Variants in MGRN1 observed in about 807,000 individuals in gnomAD.
MGRN1 encodes mahogunin ring finger 1.
MGRN1 carries 29 observed loss-of-function variants against 69.2 expected under a neutral mutation model. The observed-to-expected ratio is 0.42, with a 90% confidence interval of 0.31 to 0.57. The LOEUF is 0.57. Among genes scored for constraint, MGRN1 ranks in the 20% least tolerant of loss-of-function variants. MGRN1 has a pLI of 0.15. For missense variants in MGRN1, 998 were observed against 796.2 expected, an observed-to-expected ratio of 1.25 and a Z score of -3.05; for synonymous variants, 470 against 344.2, an observed-to-expected ratio of 1.37 and a Z score of -4.04.
intron 5 of MGRN1, among the ~76,000 whole-genome samples, chr16:4,663,625 C>G (rs1029336239): frequency 3.9e-5 from 6 of 152,160 alleles, no homozygotes; most frequent in Non-Finnish European, 7.4e-5. Context: ...GGGTCCCTGC[C>G]CTCTATGGAG....
At position 4,683,748 on chromosome 16, in the gene MGRN1, G is replaced by A. The variant is rs953278077; in HGVS notation, c.1529-95G>A. On this transcript the variant is annotated intron_variant, in intron 15 of 16. Transcript: ENST00000262370. ...GCCTGGGGTCCCCACAGTGGCTACA[G>A]AGCCCTTGGGTAAGAGAGACGGCCT... is the stretch of plus-strand genomic sequence containing the variant. 1.8e-6 allele frequency: 2 copies of A among 1,083,790 alleles called. 1 individual carries two copies. Among genetic ancestry groups the A allele is most frequent in the Non-Finnish European group, 2.7e-6 (2 of 740,882 alleles). The allele number at this position is 1,083,790 out of a possible 1,614,324, so 67.1% of individuals were successfully genotyped here. A position where few individuals can be genotyped will look rare whatever the true frequency, so the allele number is the denominator to read the frequency against.
intron 5 of MGRN1, among the ~76,000 whole-genome samples, chr16:4,663,862 C>G (rs1280276872): frequency 1.5e-4 from 23 of 152,188 alleles, no homozygotes; most frequent in Admixed American, 1.5e-3. Flanking sequence ...TGGCCTTCAG[C>G]CTGTGCACAG....
intron 9 of MGRN1, chr16:4,672,466 C>G (rs1474036206): frequency 4.4e-6 from 2 of 456,658 alleles, no homozygotes; most frequent in Non-Finnish European, 8.8e-6. Flanking sequence ...TGGAGCAGCT[C>G]CACGTGGCGG....
intron 1 of MGRN1, among the ~76,000 whole-genome samples, chr16:4,647,258 A>T (rs9937867): frequency 0.027 from 4,169 of 152,288 alleles, 185 homozygotes; most frequent in African/African-American, 0.094. Context: ...CTGCTCCATG[A>T]CTGGGGCTTG....
intron 5 of MGRN1, among the ~76,000 whole-genome samples, chr16:4,659,991 CCGTCCTG>C (rs1173589528): frequency 6.6e-6 from 1 of 152,196 alleles, no homozygotes; most frequent in Non-Finnish European, 1.5e-5. Flanking sequence ...CGGGGGCCTC[CCGTCCTG>C]CAGCCAGGCC....
At chr16:4,651,936 C>G in intron 2 of MGRN1, 27 bp from the exon 3 acceptor site, 2 of 1,610,518 alleles carry the variant, frequency 1.2e-6, no homozygotes, top group Non-Finnish European at 8.5e-7. Context: ...GAGGGAGTCA[C>G]CTGGGGCCCT....
intron 10 of MGRN1, among the ~76,000 whole-genome samples, chr16:4,675,311 A>G (rs1041578939): frequency 1.3e-5 from 2 of 152,000 alleles, no homozygotes; most frequent in Non-Finnish European, 2.9e-5. Context: ...GGGTCTTGCT[A>G]TGTTGCCCAG....
intron 9 of MGRN1, 99 bp downstream of exon 9, chr16:4,671,558 C>G (rs1384779090): frequency 9.0e-6 from 10 of 1,109,394 alleles, no homozygotes; most frequent in Non-Finnish European, 1.4e-5. Flanking sequence ...ATGCCTTCCC[C>G]TGGAGTCCTA....
chr16:4,630,772 C>T (rs1897959849), intron 1 of MGRN1, among the ~76,000 whole-genome samples: 1 of 141,834 alleles, frequency 7.1e-6, no homozygotes, highest in South Asian at 2.3e-4. Context: ...AGTTTTAGCT[C>T]TTACATTTAG....
chr16:4,629,044 G>C (rs1429499450), intron 1 of MGRN1, among the ~76,000 whole-genome samples: 1 of 150,368 alleles, frequency 6.7e-6, no homozygotes, highest in Non-Finnish European at 1.5e-5. Context: ...ACTATGTTGG[G>C]AAGGCTGGTT....
At chr16:4,659,124 C>T (rs926945646) in intron 5 of MGRN1, 1 of 151,924 alleles carries the variant, frequency 6.6e-6, no homozygotes. Context: ...GCAGTCCAGT[C>T]TGAGCCACAT....
chr16:4,671,018 A>C (rs1174534558), intron 8 of MGRN1, among the ~76,000 whole-genome samples: 1 of 152,204 alleles, frequency 6.6e-6, no homozygotes, highest in Non-Finnish European at 1.5e-5. Flanking sequence ...TCTGGAAAGC[A>C]GTGGGAACTT....
chr16:4,645,185 G>C (rs956512100), intron 1 of MGRN1, among the ~76,000 whole-genome samples: 1 of 139,236 alleles, frequency 7.2e-6, no homozygotes, highest in Admixed American at 6.7e-5. Flanking sequence ...AAGAGAGACA[G>C]GGTCTTGCTC....
At chr16:4,651,371 C>T (rs2078403335) in intron 2 of MGRN1, among the ~76,000 whole-genome samples, 1 of 152,052 alleles carries the variant, frequency 6.6e-6, no homozygotes, top group African/African-American at 2.4e-5. Context: ...ACAATTAATA[C>T]GGGACAAATG....
At chr16:4,685,311 C>T (rs551136110) in intron 16 of MGRN1, among the ~76,000 whole-genome samples, 147 of 152,322 alleles carry the variant, frequency 9.7e-4, no homozygotes, top group Admixed American at 3.3e-3. Flanking sequence ...TCAGAGGCTG[C>T]GCCTCCCCTC....
intron 1 of MGRN1, among the ~76,000 whole-genome samples, chr16:4,640,809 C>G (rs1259705820): frequency 6.6e-6 from 1 of 152,218 alleles, no homozygotes; most frequent in Non-Finnish European, 1.5e-5. Flanking sequence ...CCCCCGGCTG[C>G]AGGAGGGGAG....
At chr16:4,637,999 C>T (rs2078069288) in intron 1 of MGRN1, among the ~76,000 whole-genome samples, 1 of 152,200 alleles carries the variant, frequency 6.6e-6, no homozygotes, top group Non-Finnish European at 1.5e-5. Context: ...CTTTGTGTTC[C>T]GCACTGGAAG....
Position 4,681,791 on chromosome 16 carries a change from G to C in MGRN1, c.1358+15G>C, listed in dbSNP as rs542802023. 29 of 1,605,624 alleles carry C rather than the reference G, an allele frequency of 1.8e-5. No individual in the cohort carries two copies. The highest frequency in any genetic ancestry group is 2.5e-5 in the Non-Finnish European group (29 of 1,176,352). ...GCCCCCGACAGGTGAGCAGCAGCCA[G>C]GCCAGGTGCATGGCAGGGTGTGTGG... On this transcript the variant is annotated intron_variant, in intron 13 of 16. Transcript: ENST00000262370.
intron 9 of MGRN1, 69 bp from the exon 10 acceptor site, chr16:4,673,429 G>A: frequency 6.4e-7 from 1 of 1,566,160 alleles, no homozygotes. Context: ...GGGACAGCTG[G>A]GGACAGGAAG....
Sources: allele counts gnomAD v4.1 joint callset (sites outside exome capture counted in the v4.1 genomes callset), GRCh38; gene constraint gnomAD v4.1.1; transcripts MANE v1.5; gene names NCBI Gene and HGNC (gene_info 2026-07-23, HGNC 2026-07-21).